NCOR2: variants seen among roughly 807,000 people sequenced by gnomAD.
NCOR2 encodes CTG repeat protein 26.
Under a neutral mutation model 262.9 loss-of-function variants are expected in NCOR2, and 81 were observed. The ratio of observed to expected loss-of-function variants is 0.31; its 90% confidence interval spans 0.26 to 0.37. The LOEUF (loss-of-function observed/expected upper bound fraction) is 0.37. NCOR2 is among the 10% of genes least tolerant of loss of function. NCOR2 has a pLI of 1.00. For synonymous variants in NCOR2, 1,659 were observed against 1,559.3 expected, an observed-to-expected ratio of 1.06 and a Z score of -1.51; for missense variants, 3,385 against 3,621.4, an observed-to-expected ratio of 0.93 and a Z score of 1.68.
intron 17 of NCOR2, among the ~76,000 whole-genome samples, chr12:124,384,221 C>T (rs550248758): frequency 6.6e-6 from 1 of 152,362 alleles, no homozygotes; most frequent in South Asian, 2.1e-4. Context: ...GCCCAGGCCC[C>T]CTTCTGCGCC....
chr12:124,490,946 A>C (rs1273870659), intron 1 of NCOR2, among the ~76,000 whole-genome samples: 2 of 152,232 alleles, frequency 1.3e-5, no homozygotes, highest in African/African-American at 2.4e-5. Flanking sequence ...GATTTGTGAC[A>C]AACTGGAAAT....
intron 8 of NCOR2, among the ~76,000 whole-genome samples, chr12:124,435,347 C>T (rs576746222): frequency 6.6e-6 from 1 of 152,336 alleles, no homozygotes; most frequent in East Asian, 1.9e-4. Context: ...TTTCAAGAGC[C>T]TCTCGCACCA....
At chr12:124,467,623 A>C in intron 4 of NCOR2, among the ~76,000 whole-genome samples, 1 of 77,458 alleles carries the variant, frequency 1.3e-5, no homozygotes, top group Non-Finnish European at 2.5e-5. Context: ...TACCCCCCTC[A>C]TCTTCATCAT....
intron 24 of NCOR2, chr12:124,355,209 C>T (rs1389040881): frequency 4.8e-6 from 3 of 630,964 alleles, no homozygotes; most frequent in South Asian, 2.0e-5. Flanking sequence ...GCCACACAGC[C>T]TGGTTCCTGA....
At chr12:124,471,607 T>A (rs919107759) in intron 4 of NCOR2, among the ~76,000 whole-genome samples, 1 of 152,274 alleles carries the variant, frequency 6.6e-6, no homozygotes, top group African/African-American at 2.4e-5. Flanking sequence ...AGTCTCACTC[T>A]GTTGCCCAGG....
upstream of NCOR2, among the ~76,000 whole-genome samples, chr12:124,498,895 G>A (rs946848526): frequency 1.1e-4 from 16 of 152,270 alleles, 1 homozygote; most frequent in African/African-American, 3.9e-4. Context: ...AAAAGGCCAC[G>A]AACTGCCTGA....
chr12:124,525,992 TCACA>T (rs141548699), intron 1 of NCOR2, among the ~76,000 whole-genome samples: 16 of 152,296 alleles, frequency 1.1e-4, no homozygotes, highest in Admixed American at 9.1e-4. Context: ...TACTGGCAAC[TCACA>T]CACAGCACTG....
upstream of NCOR2, chr12:124,495,486 G>A (rs1016596223): frequency 1.4e-5 from 9 of 656,744 alleles, no homozygotes; most frequent in Middle Eastern, 4.3e-4. The surrounding 1 kb of genome is among the most constrained non-coding windows in gnomAD (Gnocchi z 4.4). Context: ...CCAGGGGCCT[G>A]CCTGGACCCT....
chr12:124,380,066 TGC>T (rs1395292059), intron 17 of NCOR2, among the ~76,000 whole-genome samples: 1 of 152,226 alleles, frequency 6.6e-6, no homozygotes, highest in Non-Finnish European at 1.5e-5. Flanking sequence ...GGTACTTCCT[TGC>T]GGCAGCCAGG....
chr12:124,512,888 C>T (rs923804831), intron 1 of NCOR2, among the ~76,000 whole-genome samples: 2 of 152,246 alleles, frequency 1.3e-5, no homozygotes, highest in African/African-American at 2.4e-5. Flanking sequence ...TGAGTCACCC[C>T]CACTCCACAG....
intron 17 of NCOR2, among the ~76,000 whole-genome samples, chr12:124,381,815 G>A (rs548251987): frequency 9.2e-5 from 14 of 152,352 alleles, no homozygotes; most frequent in African/African-American, 2.6e-4. Context: ...CGAGCCCCAG[G>A]GGCCTGAATT....
At chr12:124,425,985 T>C (rs920710818) in intron 11 of NCOR2, among the ~76,000 whole-genome samples, 21 of 152,186 alleles carry the variant, frequency 1.4e-4, no homozygotes, top group African/African-American at 5.1e-4. Flanking sequence ...CCAGCAGCTA[T>C]TGTCAAAGAC....
At chr12:124,477,627 C>T (rs2047176259) in intron 3 of NCOR2, among the ~76,000 whole-genome samples, 1 of 152,126 alleles carries the variant, frequency 6.6e-6, no homozygotes, top group South Asian at 2.1e-4. Context: ...TTTTGTGAAC[C>T]GACCCTCAAC....
At chr12:124,543,422 AG>A (rs2051440633) in intron 1 of NCOR2, among the ~76,000 whole-genome samples, 1 of 152,156 alleles carries the variant, frequency 6.6e-6, no homozygotes, top group African/African-American at 2.4e-5. Flanking sequence ...ACCCTGTTTC[AG>A]GGGTGGGGAA....
At position 124,371,952 on chromosome 12, in the gene NCOR2, C is replaced by CT. The variant is rs1168726434; in HGVS notation, c.2807+69dup. 3 of 1,455,444 alleles carry CT rather than the reference C, an allele frequency of 2.1e-6. No homozygotes were observed. In the African/African-American group the frequency reaches 4.2e-5, roughly 21 times the overall value. 90.2% of individuals were successfully genotyped at this position (1,455,444 alleles called of 1,614,324 possible). ...GCAGAGCCAGACTGGGTGCGGCTGTCTAAGTAGGTAGTCGCTGCTCAGTGT... is the reference window on the plus strand; with the variant it reads ...GCAGAGCCAGACTGGGTGCGGCTGTCTTAAGTAGGTAGTCGCTGCTCAGTGT... On this transcript the variant is annotated intron_variant, in intron 20 of 46. Transcript: ENST00000405201.
At chr12:124,419,116 A>G (rs551968741) in intron 13 of NCOR2, among the ~76,000 whole-genome samples, 2 of 151,802 alleles carry the variant, frequency 1.3e-5, no homozygotes, top group East Asian at 3.9e-4. Flanking sequence ...TCTCCCAAAC[A>G]CCGAGCGCCC....
intron 34 of NCOR2, 67 bp from the exon 37 acceptor site, chr12:124,340,818 G>A: frequency 7.1e-7 from 1 of 1,408,112 alleles, no homozygotes; most frequent in Non-Finnish European, 9.2e-7. Context: ...CCACCGGCCA[G>A]ATCACCCTCC....
rs566238066 is a variant in NCOR2, at chr12:124,342,990, C to A, written c.4936+15G>T. Reference sequence around the variant, plus strand: ...CAGCACCACTGCAGGGTTCTGGGAGCCCCAGGGCAATCACCTGCGTCCAGA... The same window carrying A: ...CAGCACCACTGCAGGGTTCTGGGAGACCCAGGGCAATCACCTGCGTCCAGA... On this transcript the variant is annotated intron_variant, in intron 33 of 46. Coordinates refer to ENST00000405201, the Ensembl canonical transcript of NCOR2. 6.2e-7 allele frequency: 1 copy of A among 1,609,562 alleles called. No homozygotes were observed. Among genetic ancestry groups the A allele is most frequent in the African/African-American group, 1.3e-5 (1 of 74,946 alleles).
chr12:124,429,751 G>A (rs761369882), intron 9 of NCOR2, 45 bp from the exon 12 acceptor site: 67 of 1,515,012 alleles, frequency 4.4e-5, no homozygotes, highest in South Asian at 2.5e-4. Flanking sequence ...TCTGGTGGTC[G>A]GGGACACTAG....
Sources: allele counts gnomAD v4.1 joint callset (sites outside exome capture counted in the v4.1 genomes callset), GRCh38; gene constraint gnomAD v4.1.1; non-coding constraint Gnocchi (gnomAD v3.1); transcripts MANE v1.5; gene names NCBI Gene and HGNC (gene_info 2026-07-23, HGNC 2026-07-21).